Variants in B4GALT5 observed in about 807,000 individuals in gnomAD.
The protein encoded by B4GALT5 is beta-1,4-galactosyltransferase 5.
Under a neutral mutation model 45.0 loss-of-function variants are expected in B4GALT5, and 11 were observed. The ratio of observed to expected loss-of-function variants is 0.24; its 90% CI spans 0.15 to 0.40. The LOEUF (loss-of-function observed/expected upper bound fraction) is 0.40. Ranked by LOEUF, B4GALT5 falls within the 10% of genes least tolerant of loss-of-function variation. The probability of loss-of-function intolerance (pLI) is 1.00; values close to 1 mark genes in which losing one functional copy is unlikely to be tolerated. For synonymous variants in B4GALT5, 185 were observed against 182.9 expected, an observed-to-expected ratio of 1.01 and a Z score of -0.09; for missense variants, 337 against 500.2, an observed-to-expected ratio of 0.67 and a Z score of 3.11.
intron 1 of B4GALT5, among the ~76,000 whole-genome samples, chr20:49,665,194 G>C (rs1033200143): frequency 3.9e-5 from 6 of 151,944 alleles, no homozygotes; most frequent in Non-Finnish European, 8.8e-5. Context: ...TAAGCAGGAG[G>C]ATCACTTGAG....
At chr20:49,677,113 G>C (rs2085741199) in intron 1 of B4GALT5, among the ~76,000 whole-genome samples, 1 of 152,074 alleles carries the variant, frequency 6.6e-6, no homozygotes. Flanking sequence ...CAGGGTATTA[G>C]AGAAGGTACA....
chr20:49,711,282 T>C (rs2085910306), intron 1 of B4GALT5, among the ~76,000 whole-genome samples: 1 of 152,204 alleles, frequency 6.6e-6, no homozygotes, highest in Admixed American at 6.5e-5. Context: ...TATAGGATTC[T>C]AGGCATGGCA....
At chr20:49,683,740 G>T (rs1288306953) in intron 1 of B4GALT5, among the ~76,000 whole-genome samples, 2 of 152,062 alleles carry the variant, frequency 1.3e-5, no homozygotes, top group African/African-American at 4.8e-5. Context: ...TCAGCTGAAT[G>T]ACCTTTGGCA....
At chr20:49,655,883 C>G (rs1457703756) in intron 2 of B4GALT5, among the ~76,000 whole-genome samples, 1 of 148,690 alleles carries the variant, frequency 6.7e-6, no homozygotes, top group Non-Finnish European at 1.5e-5. Context: ...GAGCCGAAAT[C>G]ACCCGTTGCA....
intron 2 of B4GALT5, among the ~76,000 whole-genome samples, chr20:49,653,159 T>C (rs6012703): frequency 1.3e-5 from 2 of 152,262 alleles, no homozygotes; most frequent in African/African-American, 4.8e-5. Flanking sequence ...ATCTGCATTA[T>C]ACTTACCAGT....
At chr20:49,647,995 A>G (rs2085606236) in intron 2 of B4GALT5, among the ~76,000 whole-genome samples, 1 of 152,080 alleles carries the variant, frequency 6.6e-6, no homozygotes, top group Non-Finnish European at 1.5e-5. Context: ...CTACTTTCCA[A>G]GAGATTTCCT....
chr20:49,706,197 CAA>C (rs11483927), intron 1 of B4GALT5, among the ~76,000 whole-genome samples: 12 of 133,256 alleles, frequency 9.0e-5, no homozygotes, highest in Non-Finnish European at 4.8e-5. Flanking sequence ...AACTCCATCT[CAA>C]AAAAAAAAAA....
intron 1 of B4GALT5, among the ~76,000 whole-genome samples, chr20:49,673,006 A>AGC (rs1384450842): frequency 6.6e-6 from 1 of 152,190 alleles, no homozygotes; most frequent in African/African-American, 2.4e-5. Flanking sequence ...GAACAAACTA[A>AGC]GATTACCTTC....
chr20:49,671,434 G>A (rs2085715503), intron 1 of B4GALT5, among the ~76,000 whole-genome samples: 1 of 152,104 alleles, frequency 6.6e-6, no homozygotes, highest in South Asian at 2.1e-4. Context: ...TACGCTAGGA[G>A]CAGTAATAAA....
chr20:49,678,190 C>T (rs975507756), intron 1 of B4GALT5, among the ~76,000 whole-genome samples: 20 of 152,216 alleles, frequency 1.3e-4, no homozygotes, highest in African/African-American at 4.3e-4. Flanking sequence ...GGGCCTTGAT[C>T]TCACCCCTCC....
chr20:49,655,046 ACTTGAGCCTGGGAGGT>A (rs2085636550), intron 2 of B4GALT5, among the ~76,000 whole-genome samples: 1 of 152,078 alleles, frequency 6.6e-6, no homozygotes. Context: ...CAGGAGAATC[ACTTGAGCCTGGGAGGT>A]CAAGGCTGCA....
At chr20:49,707,097 G>C (rs1215203292) in intron 1 of B4GALT5, among the ~76,000 whole-genome samples, 2 of 152,078 alleles carry the variant, frequency 1.3e-5, no homozygotes, top group Non-Finnish European at 2.9e-5. Flanking sequence ...AGGTATCCTG[G>C]AACAGTAATT....
intron 1 of B4GALT5, among the ~76,000 whole-genome samples, chr20:49,691,334 T>C (rs1476056911): frequency 3.9e-5 from 6 of 152,002 alleles, no homozygotes; most frequent in East Asian, 1.9e-4. Flanking sequence ...CTGGGCAACA[T>C]AGTGAGGCCC....
At chr20:49,644,253 A>T (rs1483498459) in intron 3 of B4GALT5, among the ~76,000 whole-genome samples, 1 of 151,540 alleles carries the variant, frequency 6.6e-6, no homozygotes, top group African/African-American at 2.4e-5. Flanking sequence ...TTGTTTATTA[A>T]TATGTTTTAA....
intron 1 of B4GALT5, among the ~76,000 whole-genome samples, chr20:49,662,990 T>C (rs1321252811): frequency 1.3e-5 from 2 of 152,244 alleles, no homozygotes; most frequent in African/African-American, 4.8e-5. Context: ...GATTAAATAT[T>C]TGTAGCCTAT....
At chr20:49,665,821 C>G (rs2085687973) in intron 1 of B4GALT5, among the ~76,000 whole-genome samples, 1 of 150,546 alleles carries the variant, frequency 6.6e-6, no homozygotes, top group Non-Finnish European at 1.5e-5. Flanking sequence ...AGCACTGAAG[C>G]AGGAGAGGGA....
intron 1 of B4GALT5, among the ~76,000 whole-genome samples, chr20:49,661,382 C>A (rs999106340): frequency 6.6e-6 from 1 of 152,102 alleles, no homozygotes; most frequent in African/African-American, 2.4e-5. Context: ...TTACAGGCAC[C>A]TGCCATCATG....
chr20:49,687,474 T>C (rs1406572383), intron 1 of B4GALT5, among the ~76,000 whole-genome samples: 1 of 151,976 alleles, frequency 6.6e-6, no homozygotes, highest in African/African-American at 2.4e-5. Context: ...TGAAACCCTG[T>C]CTCTACTAAA....
intron 1 of B4GALT5, 126 bp from the exon 2 acceptor site, chr20:49,656,828 C>A: frequency 8.3e-7 from 1 of 1,199,524 alleles, no homozygotes; most frequent in Non-Finnish European, 1.2e-6. Context: ...CTTTTAAAAC[C>A]CTACATGACC....
Sources: allele counts gnomAD v4.1 joint callset (sites outside exome capture counted in the v4.1 genomes callset), GRCh38; gene constraint gnomAD v4.1.1; transcripts MANE v1.5; gene names NCBI Gene and HGNC (gene_info 2026-07-23, HGNC 2026-07-21).